SLIT2: variants seen among roughly 807,000 people sequenced by gnomAD.
SLIT2 encodes slit homolog 2 protein.
In SLIT2, 41 loss-of-function variants were observed where a neutral mutation model predicts 185.7. The observed-to-expected ratio is 0.22, with a 90% CI of 0.17 to 0.29. The LOEUF (loss-of-function observed/expected upper bound fraction) is 0.29, where lower values mean the gene tolerates loss of function less well. Among genes scored for constraint, SLIT2 ranks in the 10% least tolerant of loss-of-function variants. The pLI, the probability that SLIT2 is intolerant of heterozygous loss-of-function variation, is 1.00. For missense variants in SLIT2, 1,571 were observed against 1,909.0 expected, an observed-to-expected ratio of 0.82 and a Z score of 3.30; for synonymous variants, 693 against 680.2, an observed-to-expected ratio of 1.02 and a Z score of -0.29.
chr4:20,549,572 G>A (rs541040915), intron 24 of SLIT2, among the ~76,000 whole-genome samples: 13 of 151,940 alleles, frequency 8.6e-5, no homozygotes, highest in African/African-American at 3.1e-4. Context: ...ACAGTTTGAT[G>A]TGCTCTCTGG....
intron 4 of SLIT2, among the ~76,000 whole-genome samples, chr4:20,419,211 G>A (rs753126663): frequency 6.6e-6 from 1 of 152,100 alleles, no homozygotes; most frequent in Non-Finnish European, 1.5e-5. Flanking sequence ...GTCAACTGTT[G>A]AAAGCCAATA....
At chr4:20,580,413 G>A (rs1726463652) in intron 29 of SLIT2, among the ~76,000 whole-genome samples, 1 of 17,524 alleles carries the variant, frequency 5.7e-5, no homozygotes, top group African/African-American at 3.5e-4. Flanking sequence ...TATTATACGT[G>A]TGTGTGTGTG....
chr4:20,411,971 A>C (rs996201757), intron 4 of SLIT2, among the ~76,000 whole-genome samples: 4 of 152,220 alleles, frequency 2.6e-5, no homozygotes, highest in African/African-American at 9.6e-5. Context: ...GTGAGGAACC[A>C]TCATTAATGT....
At chr4:20,312,793 A>G (rs956332632) in intron 4 of SLIT2, among the ~76,000 whole-genome samples, 4 of 145,160 alleles carry the variant, frequency 2.8e-5, no homozygotes, top group African/African-American at 1.0e-4. Flanking sequence ...AAAAAAAAAA[A>G]GAAAGAAAAG....
chr4:20,475,034 G>T (rs1458253369), intron 5 of SLIT2, among the ~76,000 whole-genome samples: 1 of 151,780 alleles, frequency 6.6e-6, no homozygotes, highest in Non-Finnish European at 1.5e-5. Flanking sequence ...TGAAAGAGCA[G>T]AGATGATTAT....
intron 4 of SLIT2, among the ~76,000 whole-genome samples, chr4:20,441,253 G>A (rs1729715480): frequency 6.6e-6 from 1 of 152,088 alleles, no homozygotes; most frequent in Admixed American, 6.6e-5. Context: ...ATCATTCACT[G>A]ATGCCTTTCT....
chr4:20,490,844 G>T (rs1264583562), intron 8 of SLIT2: 5 of 1,497,534 alleles, frequency 3.3e-6, no homozygotes, highest in Non-Finnish European at 4.5e-6. Context: ...TTAGACCGAG[G>T]ATATTTTTGT....
chr4:20,522,074 G>A (rs867577120), intron 12 of SLIT2, among the ~76,000 whole-genome samples: 14 of 151,968 alleles, frequency 9.2e-5, no homozygotes, highest in African/African-American at 2.7e-4. Context: ...CCATTCCTAT[G>A]GAGAAAAATA....
intron 16 of SLIT2, among the ~76,000 whole-genome samples, chr4:20,530,833 A>T (rs761217560): frequency 6.6e-6 from 1 of 152,120 alleles, no homozygotes; most frequent in Non-Finnish European, 1.5e-5. Context: ...AATTATTCAT[A>T]TTGACCTTTC....
At chr4:20,486,122 GT>G in intron 6 of SLIT2, 77 bp from the exon 7 acceptor site, 2 of 875,534 alleles carry the variant, frequency 2.3e-6, no homozygotes, top group Non-Finnish European at 3.8e-6. Flanking sequence ...AGTACAAGAC[GT>G]TTTCTCTATG....
chr4:20,483,060 C>T (rs1021123209), intron 6 of SLIT2, among the ~76,000 whole-genome samples: 1 of 151,798 alleles, frequency 6.6e-6, no homozygotes, highest in African/African-American at 2.4e-5. Context: ...TTTTACCATT[C>T]GTGACTCTTT....
At chr4:20,517,624 G>A (rs932078658) in intron 11 of SLIT2, among the ~76,000 whole-genome samples, 1 of 151,964 alleles carries the variant, frequency 6.6e-6, no homozygotes, top group Non-Finnish European at 1.5e-5. Flanking sequence ...AAAATTTCAT[G>A]TTCTATTTTA....
chr4:20,512,624 T>A (rs2148828631), intron 11 of SLIT2, among the ~76,000 whole-genome samples: 1 of 152,290 alleles, frequency 6.6e-6, no homozygotes, highest in African/African-American at 2.4e-5. Context: ...CCAGTCAGAT[T>A]GTCCATAAAG....
Position 20,539,432 on chromosome 4 carries a change from T to A in SLIT2, c.1833-9T>A. 6.2e-7 allele frequency: 1 copy of A among 1,607,718 alleles called. No homozygotes were observed. The highest frequency in any genetic ancestry group is 8.5e-7 in the Non-Finnish European group (1 of 1,177,720). ...TGTCTCCATAACAATGTCCTTTTTT[T>A]CCCCTCAGGATGTTGAGAAGCAATC... On this transcript the variant is annotated splice_polypyrimidine_tract_variant and intron_variant, in intron 18 of 36. Transcript: ENST00000504154.
intron 4 of SLIT2, among the ~76,000 whole-genome samples, chr4:20,414,513 A>T (rs1428140955): frequency 5.3e-5 from 8 of 152,120 alleles, no homozygotes; most frequent in Non-Finnish European, 1.0e-4. Flanking sequence ...ATGACTCCTT[A>T]TAGTATTTCT....
chr4:20,331,180 A>C (rs971992002), intron 4 of SLIT2, among the ~76,000 whole-genome samples: 4 of 152,134 alleles, frequency 2.6e-5, no homozygotes, highest in Non-Finnish European at 5.9e-5. Flanking sequence ...ATTTTCAGTA[A>C]ATTTCATAAA....
At chr4:20,532,703 T>C (rs912766440) in intron 17 of SLIT2, among the ~76,000 whole-genome samples, 1 of 152,196 alleles carries the variant, frequency 6.6e-6, no homozygotes, top group African/African-American at 2.4e-5. Context: ...TATATGTAAC[T>C]GGCCCATAGT....
In SLIT2 at chr4:20,497,233, G is replaced by A. The variant is rs1225373582; in HGVS notation, c.914+5334G>A. ...ATTTAACTCAAATCTTTCAAAGACT[G>A]AGAACTTTGTTGTTTAAAAAAAACT... On this transcript the variant is annotated intron_variant, in intron 9 of 36. Coordinates refer to ENST00000504154, the MANE Select transcript of SLIT2 (RefSeq NM_004787.4). Among the ~76,000 whole-genome samples, 6 of 144,870 alleles carry A rather than the reference G, an allele frequency of 4.1e-5. No individual in the cohort carries two copies. In the East Asian group the frequency reaches 1.2e-3, roughly 30 times the overall value.
intron 4 of SLIT2, among the ~76,000 whole-genome samples, chr4:20,362,732 CAT>C (rs1425845801): frequency 6.6e-6 from 1 of 151,738 alleles, no homozygotes; most frequent in African/African-American, 2.4e-5. Context: ...AACGCACAAA[CAT>C]GGATTTTTCT....
Sources: allele counts gnomAD v4.1 joint callset (sites outside exome capture counted in the v4.1 genomes callset), GRCh38; gene constraint gnomAD v4.1.1; transcripts MANE v1.5; gene names NCBI Gene and HGNC (gene_info 2026-07-23, HGNC 2026-07-21).